MAP3K11: variants seen among roughly 807,000 people sequenced by gnomAD.
The protein encoded by MAP3K11 is SH3 domain-containing proline-rich kinase.
A neutral mutation model predicts 84.9 loss-of-function variants in MAP3K11; 46 were observed. The ratio of observed to expected loss-of-function variants is 0.54; its 90% confidence interval spans 0.43 to 0.69. The LOEUF (loss-of-function observed/expected upper bound fraction) is 0.69. Among genes scored for constraint, MAP3K11 ranks in the 30% least tolerant of loss-of-function variants. The pLI, the probability that MAP3K11 is intolerant of heterozygous loss-of-function variation, is 0.00. For synonymous variants in MAP3K11, 527 were observed against 514.7 expected, an observed-to-expected ratio of 1.02 and a Z score of -0.32; for missense variants, 1,053 against 1,198.3, an observed-to-expected ratio of 0.88 and a Z score of 1.79.
rs753987214 is a variant in MAP3K11, at chr11:65,613,606, C to T, written c.151G>A (p.Asp51Asn). ...YANPVWTALF[D>N]YEPSGQDELA... ...TCATCCTGCCCACTGGGCTCGTAGT[C>T]GAACAGGGCTGTCCACACCGGGTTG... is the stretch of plus-strand genomic sequence containing the variant. Residue 51 changes from aspartate to asparagine, a missense_variant, in exon 1 of 10, where the codon GAC becomes AAC. Asp to Asn is a conservative substitution (Grantham distance 23). Around this residue, in one of 3 missense-constraint regions of MAP3K11, gnomAD observed 160 missense variants for 167.3 expected, o/e 0.96. Coordinates refer to ENST00000309100, the MANE Select transcript of MAP3K11 (RefSeq NM_002419.4). 11 of 1,613,010 alleles carry T rather than the reference C, an allele frequency of 6.8e-6. No homozygotes were observed. Among genetic ancestry groups the T allele is most frequent in the Admixed American group, 1.7e-5 (1 of 60,008 alleles).
rs574384864 is a variant in MAP3K11, at chr11:65,606,034, G to C, written c.1651C>G (p.Arg551Gly). The change falls in exon 7 of 10, where the codon CGT becomes GGT. Residue 551 changes from arginine to glycine, a missense_variant. Physicochemically the swap from Arg to Gly is moderately radical, Grantham distance 125 (BLOSUM62 -2). Around this residue, in one of 3 missense-constraint regions of MAP3K11, gnomAD observed 583 missense variants for 566.6 expected, o/e 1.03. Transcript: ENST00000309100. ...GQAWGRQSPR[R>G]LEDSSNGERR... is the part of the protein sequence containing the mutation. ...TCTCCATTGCTTGAGTCCTCCAGAC[G>C]TCGGGGGGACTGGCGGCCCCATGCC... 3.8e-6 allele frequency: 6 copies of C among 1,593,076 alleles called. No individual in the cohort carries two copies. Among genetic ancestry groups the C allele is most frequent in the Admixed American group, 1.8e-5 (1 of 55,100 alleles).
chr11:65,611,697 AGTGGGGAGG>A (rs1454900406), intron 1 of MAP3K11: 1 of 152,032 alleles, frequency 6.6e-6, no homozygotes, highest in Non-Finnish European at 1.5e-5. Flanking sequence ...CGCAGGAAGC[AGTGGGGAGG>A]GTGGGGAGCA....
At chr11:65,611,705 G>A in intron 1 of MAP3K11, 1 of 152,650 alleles carries the variant, frequency 6.6e-6, no homozygotes. Flanking sequence ...GCAGTGGGGA[G>A]GGTGGGGAGC....
Position 65,607,484 on chromosome 11 carries a change from C to T in MAP3K11, c.1275G>A (p.Thr425=), listed in dbSNP as rs553105616. 4.5e-6 allele frequency: 7 copies of T among 1,571,824 alleles called. No homozygotes were observed. The highest frequency in any genetic ancestry group is 6.0e-6 in the Non-Finnish European group (7 of 1,167,570). Residue 425 remains threonine (T), a synonymous_variant, in exon 5 of 10, where the codon ACG becomes ACA. Coordinates refer to ENST00000309100, the MANE Select transcript of MAP3K11 (RefSeq NM_002419.4). ...GTGACCGCTGCTCGCGCGCCGCTCG[C>T]GTCAGCTCCTCCTCGCGGCTCAGTA... The part of the protein sequence containing the change: ...KELLSREEEL[T]RAAREQRSQA...
intron 9 of MAP3K11, among the ~76,000 whole-genome samples, 172 bp from the exon 10 acceptor site, chr11:65,598,800 T>G (rs552223961): frequency 6.6e-6 from 1 of 152,238 alleles, no homozygotes; most frequent in Middle Eastern, 3.4e-3. Context: ...TAGTTAGGAG[T>G]GAGGCCTCTG....
chr11:65,607,608 C>T (rs1308444667), intron 4 of MAP3K11, 33 bp downstream of exon 4: 1 of 1,578,050 alleles, frequency 6.3e-7, no homozygotes, highest in Non-Finnish European at 8.6e-7. Flanking sequence ...GGGAGACACT[C>T]GTTCCAACGC....
intron 5 of MAP3K11, chr11:65,607,061 T>A (rs1328669448): frequency 2.6e-6 from 2 of 770,252 alleles, no homozygotes; most frequent in Non-Finnish European, 3.8e-6. Flanking sequence ...CCCCACCCCT[T>A]CCCACTCCCA....
Position 65,598,107 on chromosome 11 carries a change from T to TG in MAP3K11, c.*183dup, listed in dbSNP as rs1854402107. On this transcript the variant is annotated 3_prime_UTR_variant, in exon 10 of 10. Coordinates refer to ENST00000309100, the MANE Select transcript of MAP3K11 (RefSeq NM_002419.4). ...TGGGGGGACCTACAGGTTTCAGATGTGGGGGCGCAGGTCCCCCTTCCAGTG... is the reference window on the plus strand; with the variant it reads ...TGGGGGGACCTACAGGTTTCAGATGTGGGGGGCGCAGGTCCCCCTTCCAGTG... 4.6e-6 allele frequency: 2 copies of TG among 431,672 alleles called. No homozygotes were observed. The highest frequency in any genetic ancestry group is 7.0e-5 in the East Asian group (2 of 28,608). The allele number at this position is 431,672 out of a possible 1,614,324, so 26.7% of individuals were successfully genotyped here. A position where few individuals can be genotyped will look rare whatever the true frequency, so the allele number is the denominator to read the frequency against.
intron 1 of MAP3K11, chr11:65,609,760 CAG>C (rs1228741481): frequency 6.6e-6 from 1 of 152,348 alleles, no homozygotes; most frequent in East Asian, 1.9e-4. Flanking sequence ...GCATAGGGCA[CAG>C]GGGGTGGGGC....
At chr11:65,605,102 A>G (rs1854493238) in intron 8 of MAP3K11, among the ~76,000 whole-genome samples, 1 of 152,118 alleles carries the variant, frequency 6.6e-6, no homozygotes, top group African/African-American at 2.4e-5. Flanking sequence ...GAGGTAGGTT[A>G]CTTCACCTCT....
intron 6 of MAP3K11, 124 bp from the exon 7 acceptor site, chr11:65,606,205 G>C (rs1338129517): frequency 1.3e-5 from 15 of 1,155,156 alleles, no homozygotes; most frequent in Middle Eastern, 5.4e-4. Flanking sequence ...CCCAGGGTGA[G>C]CTTTGGGCAA....
intron 8 of MAP3K11, among the ~76,000 whole-genome samples, chr11:65,600,251 A>C (rs1420456524): frequency 6.6e-6 from 1 of 152,222 alleles, no homozygotes; most frequent in Non-Finnish European, 1.5e-5. Flanking sequence ...GTCAACTCTA[A>C]GGTACATGGC....
rs377564375 is a variant in MAP3K11 at position 65,599,401 on chromosome 11, C to T, written c.2199G>A (p.Glu733=). Residue 733 remains glutamate, a synonymous_variant, in exon 9 of 10, where the codon GAG becomes GAA. Coordinates refer to ENST00000309100, the MANE Select transcript of MAP3K11 (RefSeq NM_002419.4). ...CGGCTTCAGGCCACTCACCGCGGGG[C>T]TCCTCCTCACGTCGGGGGCTCTTGG... is the stretch of plus-strand genomic sequence containing the variant. The part of the protein sequence containing the change: ...RSAKSPRREE[E]PRGGTVSPPP... The T allele has an allele frequency of 1.1e-5, 17 of 1,534,116 alleles. No homozygotes were observed. Among genetic ancestry groups the T allele is most frequent in the Middle Eastern group, 1.9e-4 (1 of 5,256 alleles).
At chr11:65,602,477 C>G (rs1256503996) in intron 8 of MAP3K11, among the ~76,000 whole-genome samples, 3 of 152,050 alleles carry the variant, frequency 2.0e-5, no homozygotes, top group Non-Finnish European at 4.4e-5. Context: ...GAAACCTCAT[C>G]TCTACTACAA....
intron 1 of MAP3K11, chr11:65,609,070 A>C (rs1056092822): frequency 3.3e-5 from 5 of 152,384 alleles, no homozygotes; most frequent in Admixed American, 1.3e-4. Flanking sequence ...TGTGGCTCTG[A>C]AACCAGTGTT....
chr11:65,599,654 G>A lies in MAP3K11; in HGVS notation c.1946C>T (p.Thr649Ile). The stretch of plus-strand genomic sequence containing the variant: ...AAGGCCCAGCGAGGCGAGCAGGGCG[G>A]TGCCGCGCAGCAGCGCCCGCTGGAT... ...KLIQRALLRG[T>I]ALLASLGLGR... is the part of the protein sequence containing the mutation. Residue 649 changes from threonine to isoleucine, a missense_variant, in exon 9 of 10, where the codon ACC becomes ATC. This residue lies in a region of MAP3K11 where 583 missense variants were observed against 566.6 expected (regional missense o/e 1.03). Coordinates refer to ENST00000309100, the MANE Select transcript of MAP3K11 (RefSeq NM_002419.4). The A allele has an allele frequency of 6.5e-7, 1 of 1,548,892 alleles. No homozygotes were observed. The highest frequency in any genetic ancestry group is 8.7e-7 in the Non-Finnish European group (1 of 1,151,360).
chr11:65,599,819 T>C, intron 8 of MAP3K11, 51 bp from the exon 9 acceptor site: 1 of 1,564,904 alleles, frequency 6.4e-7, no homozygotes, highest in Non-Finnish European at 8.6e-7. Context: ...ATATTCCGGG[T>C]GAGGGCCCAA....
chr11:65,613,231 T>C lies in MAP3K11; in HGVS notation c.526A>G (p.Ile176Val). Residue 176 changes from isoleucine to valine, a missense_variant, in exon 1 of 10, where the codon ATC (isoleucine) becomes GTC (valine). Ile to Val is a conservative substitution (Grantham distance 29, BLOSUM62 3). Coordinates refer to ENST00000309100, the MANE Select transcript of MAP3K11 (RefSeq NM_002419.4). ...RLFAMLAHPN[I>V]IALKAVCLEE... is the part of the protein sequence containing the mutation. ...AGGCACACAGCCTTGAGGGCAATGATGTTGGGGTGTGCCAGCATGGCGAAG... is the reference window on the plus strand; with the variant it reads ...AGGCACACAGCCTTGAGGGCAATGACGTTGGGGTGTGCCAGCATGGCGAAG... The C allele has an allele frequency of 1.2e-6, 2 of 1,601,244 alleles. No individual in the cohort carries two copies. Among genetic ancestry groups the C allele is most frequent in the African/African-American group, 1.3e-5 (1 of 74,910 alleles).
intron 8 of MAP3K11, among the ~76,000 whole-genome samples, chr11:65,604,720 G>GGGA (rs1356974410): frequency 1.3e-5 from 2 of 148,800 alleles, no homozygotes; most frequent in African/African-American, 4.9e-5. Flanking sequence ...TGGAAGAGGC[G>GGGA]ATGGGCTGGG....
Sources: allele counts gnomAD v4.1 joint callset (sites outside exome capture counted in the v4.1 genomes callset), GRCh38; gene constraint gnomAD v4.1.1; regional missense constraint gnomAD v4.1.1; transcripts MANE v1.5; gene names NCBI Gene and HGNC (gene_info 2026-07-23, HGNC 2026-07-21).